KCNIP1: variants seen among roughly 807,000 people sequenced by gnomAD.
KCNIP1 encodes A-type potassium channel modulatory protein KCNIP1.
Under a neutral mutation model 33.0 loss-of-function variants are expected in KCNIP1, and 18 were observed. The ratio of observed to expected loss-of-function variants is 0.55; its 90% CI spans 0.38 to 0.81. The LOEUF (loss-of-function observed/expected upper bound fraction) is 0.81. Among genes scored for constraint, KCNIP1 ranks in the 30% least tolerant of loss-of-function variants. The pLI is 0.00. For missense variants in KCNIP1, 238 were observed against 271.6 expected, an observed-to-expected ratio of 0.88 and a Z score of 0.87; for synonymous variants, 93 against 98.3, an observed-to-expected ratio of 0.95 and a Z score of 0.32.
At chr5:170,399,820 G>A (rs773651991) in intron 1 of KCNIP1, among the ~76,000 whole-genome samples, 1 of 151,992 alleles carries the variant, frequency 6.6e-6, no homozygotes, top group Non-Finnish European at 1.5e-5. Flanking sequence ...TATTTTCCAG[G>A]TTTTGCTATT....
chr5:170,598,904 C>CGCGT (rs1412098474), intron 1 of KCNIP1, among the ~76,000 whole-genome samples: 6 of 133,776 alleles, frequency 4.5e-5, no homozygotes, highest in African/African-American at 1.4e-4. Flanking sequence ...TGTGTGTGCG[C>CGCGT]GTGTGTGTGT....
At chr5:170,687,909 G>C (rs1398265586) in intron 1 of KCNIP1, among the ~76,000 whole-genome samples, 1 of 152,148 alleles carries the variant, frequency 6.6e-6, no homozygotes, top group Non-Finnish European at 1.5e-5. Context: ...TCCAACTACA[G>C]ACAGAGAACA....
chr5:170,679,065 A>G (rs775378295), intron 1 of KCNIP1: 10 of 152,234 alleles, frequency 6.6e-5, no homozygotes, highest in Non-Finnish European at 1.3e-4. Context: ...AGTAAGTCAG[A>G]AAAACCTCTG....
intron 1 of KCNIP1, among the ~76,000 whole-genome samples, chr5:170,510,609 C>A (rs1754896158): frequency 6.6e-6 from 1 of 152,206 alleles, no homozygotes; most frequent in Non-Finnish European, 1.5e-5. Context: ...GCTTCCCCTT[C>A]CTCCGGGTAG....
chr5:170,534,491 GGAGGA>G (rs1581285629), intron 1 of KCNIP1, among the ~76,000 whole-genome samples: 1 of 135,466 alleles, frequency 7.4e-6, no homozygotes, highest in Non-Finnish European at 1.5e-5. Context: ...AGGAGGAGGA[GGAGGA>G]GGAGAAGGAG....
chr5:170,641,274 T>C (rs542880624), intron 1 of KCNIP1, among the ~76,000 whole-genome samples: 1 of 152,286 alleles, frequency 6.6e-6, no homozygotes, highest in East Asian at 1.9e-4. Flanking sequence ...TCCCAGGCTA[T>C]TGACTTGTTC....
chr5:170,403,360 G>A (rs531216563), intron 1 of KCNIP1, among the ~76,000 whole-genome samples: 1 of 152,212 alleles, frequency 6.6e-6, no homozygotes, highest in Admixed American at 6.5e-5. Flanking sequence ...ACTGAGAATT[G>A]TGAACATGAT....
At chr5:170,377,598 G>A (rs1444900226) in intron 1 of KCNIP1, 1 of 151,482 alleles carries the variant, frequency 6.6e-6, no homozygotes, top group East Asian at 1.9e-4. Flanking sequence ...TTTTGAGACG[G>A]AGTCTTGTTC....
intron 1 of KCNIP1, among the ~76,000 whole-genome samples, chr5:170,540,031 G>T (rs1457945438): frequency 6.6e-6 from 1 of 151,530 alleles, no homozygotes; most frequent in African/African-American, 2.4e-5. Flanking sequence ...CTGCGTGCGG[G>T]TCTCAGCGGC....
intron 1 of KCNIP1, among the ~76,000 whole-genome samples, chr5:170,567,884 C>T (rs1031273566): frequency 8.5e-5 from 13 of 152,186 alleles, no homozygotes; most frequent in Non-Finnish European, 1.6e-4. Flanking sequence ...AAAGCAGAGG[C>T]TCATTAAAGA....
intron 1 of KCNIP1, among the ~76,000 whole-genome samples, chr5:170,673,378 G>A (rs1761996790): frequency 6.6e-6 from 1 of 152,244 alleles, no homozygotes; most frequent in Non-Finnish European, 1.5e-5. Context: ...TGGTGATGAT[G>A]ACGACCATGA....
chr5:170,555,521 C>T (rs555923207), intron 1 of KCNIP1, among the ~76,000 whole-genome samples: 62 of 152,250 alleles, frequency 4.1e-4, no homozygotes, highest in African/African-American at 1.3e-3. Flanking sequence ...CTCAGAATTC[C>T]GACCAAGAGC....
intron 1 of KCNIP1, among the ~76,000 whole-genome samples, chr5:170,390,849 C>A (rs776182524): frequency 6.6e-6 from 1 of 152,044 alleles, no homozygotes; most frequent in Non-Finnish European, 1.5e-5. Flanking sequence ...GTTTCCCCAG[C>A]CCCCAGGGAG....
At chr5:170,375,188 CT>C (rs944648885) in intron 1 of KCNIP1, 57 of 152,336 alleles carry the variant, frequency 3.7e-4, no homozygotes, top group African/African-American at 1.2e-3. Flanking sequence ...TCCGTGCCCC[CT>C]CTACCTAATG....
intron 1 of KCNIP1, among the ~76,000 whole-genome samples, chr5:170,478,513 G>A (rs1008669244): frequency 2.0e-5 from 3 of 152,028 alleles, no homozygotes; most frequent in Non-Finnish European, 4.4e-5. Context: ...CTTTCTGGCT[G>A]GCAGCTCCAG....
At chr5:170,381,497 A>T (rs1227241297) in intron 1 of KCNIP1, among the ~76,000 whole-genome samples, 2 of 152,142 alleles carry the variant, frequency 1.3e-5, no homozygotes, top group Non-Finnish European at 2.9e-5. Context: ...AGCCCCAGCC[A>T]CTTGAACCCC....
chr5:170,459,875 T>G (rs1756467453), intron 1 of KCNIP1, among the ~76,000 whole-genome samples: 1 of 151,580 alleles, frequency 6.6e-6, no homozygotes, highest in Non-Finnish European at 1.5e-5. Context: ...AACAAAAAAA[T>G]TACAAAAGAT....
chr5:170,617,926 A>G (rs902055539), intron 1 of KCNIP1, among the ~76,000 whole-genome samples: 1 of 152,188 alleles, frequency 6.6e-6, no homozygotes, highest in Non-Finnish European at 1.5e-5. Context: ...GATGCAGGAG[A>G]GAATTACAAC....
intron 1 of KCNIP1, among the ~76,000 whole-genome samples, chr5:170,440,085 C>A (rs1448628896): frequency 6.6e-6 from 1 of 152,152 alleles, no homozygotes; most frequent in Non-Finnish European, 1.5e-5. Flanking sequence ...TGACTTGTAT[C>A]TTCATGCGAA....
Sources: gnomAD v4.1 joint callset for allele counts (sites outside exome capture counted in the v4.1 genomes callset) on GRCh38, gnomAD v4.1.1 for gene constraint, MANE v1.5 for transcripts, NCBI Gene and HGNC (gene_info 2026-07-23, HGNC 2026-07-21) for gene names.